KIT: variants seen among roughly 807,000 people sequenced by gnomAD.
KIT encodes KIT proto-oncogene, receptor tyrosine kinase.
In KIT, 16 loss-of-function variants were observed where a neutral mutation model predicts 105.7. The ratio of observed to expected loss-of-function variants is 0.15; its 90% CI spans 0.10 to 0.23. KIT has a LOEUF of 0.23. KIT is among the 10% of genes least tolerant of loss of function. KIT has a pLI of 1.00. For missense variants in KIT, 858 were observed against 1,213.8 expected (o/e 0.71, Z 4.36); for synonymous variants, 438 against 441.1 (o/e 0.99, Z 0.09).
chr4:54,699,040 A>T (rs535731746), intron 3 of KIT, among the ~76,000 whole-genome samples: 1 of 152,232 alleles, frequency 6.6e-6, no homozygotes, highest in Non-Finnish European at 1.5e-5. Context: ...GGAACTTGTT[A>T]TGGTTGTGCC....
Position 54,740,160 on chromosome 4 carries a change from T to C in KIT, c.*1603T>C, listed in dbSNP as rs941856016. ...TTATGGTTTCCCCCTTCTACATTTC[T>C]TAGACTACATTTAGAGAACTGTGGC... On this transcript the variant is annotated 3_prime_UTR_variant, in exon 21 of 21. Transcript: ENST00000288135. 1.3e-5 allele frequency: 3 copies of C among 233,530 alleles called. No individual in the cohort carries two copies. The highest frequency in any genetic ancestry group is 2.5e-5 in the Non-Finnish European group (3 of 118,010). 14.5% of individuals were successfully genotyped at this position (233,530 alleles called of 1,614,324 possible). A position where few individuals can be genotyped will look rare whatever the true frequency, so the allele number is the denominator to read the frequency against.
In KIT at chr4:54,738,764, C is replaced by T; in HGVS notation, c.*207C>T. 1 of 648,242 alleles carries T rather than the reference C, an allele frequency of 1.5e-6. No homozygotes were observed. The highest frequency in any genetic ancestry group is 2.7e-6 in the Non-Finnish European group (1 of 364,630). 40.2% of individuals were successfully genotyped at this position (648,242 alleles called of 1,614,324 possible). The stretch of plus-strand genomic sequence containing the variant: ...CAAAGGTTCCAACTGTATATATTCC[C>T]AATAGCAACGTAGCTTCTACCATGA... On this transcript the variant is annotated 3_prime_UTR_variant, in exon 21 of 21. Transcript: ENST00000288135.
chr4:54,711,765 T>C (rs1444641369), intron 7 of KIT, among the ~76,000 whole-genome samples: 1 of 148,534 alleles, frequency 6.7e-6, no homozygotes, highest in Non-Finnish European at 1.5e-5. Context: ...CTACTAAAAA[T>C]AGAAAAATTC....
At chr4:54,724,133 G>T (rs1722072087) in intron 8 of KIT, among the ~76,000 whole-genome samples, 1 of 152,194 alleles carries the variant, frequency 6.6e-6, no homozygotes, top group South Asian at 2.1e-4. Flanking sequence ...TATGGCATTT[G>T]CAAGCGACCG....
At chr4:54,691,399 C>T (rs1719695863) in intron 1 of KIT, among the ~76,000 whole-genome samples, 1 of 151,922 alleles carries the variant, frequency 6.6e-6, no homozygotes, top group African/African-American at 2.4e-5. Context: ...GACAGGTTAT[C>T]GCAACATGGA....
At chr4:54,664,582 A>ATTATTTATTTAT (rs3033777) in intron 1 of KIT, among the ~76,000 whole-genome samples, 66 of 144,396 alleles carry the variant, frequency 4.6e-4, no homozygotes, top group East Asian at 8.1e-4. Flanking sequence ...GTCTGTTTTT[A>ATTATTTATTTAT]TTATTTATTT....
Position 54,738,575 on chromosome 4 carries a change from G to A in KIT, c.*18G>A, listed in dbSNP as rs1272496566. ...ATGTCTGAGCAGAATCAGTGTTTGG[G>A]TCACCCCTCCAGGAATGATCTCTTC... On this transcript the variant is annotated 3_prime_UTR_variant, in exon 21 of 21. Coordinates refer to ENST00000288135, the MANE Select transcript of KIT (RefSeq NM_000222.3). 14 of 1,613,336 alleles carry A rather than the reference G, an allele frequency of 8.7e-6. No individual in the cohort carries two copies. Among genetic ancestry groups the A allele is most frequent in the Admixed American group, 1.7e-5 (1 of 59,996 alleles).
chr4:54,695,571 A>G lies in KIT; in HGVS notation c.127A>G (p.Lys43Glu), dbSNP rs770727656. The G allele has an allele frequency of 6.2e-7, 1 of 1,614,242 alleles. No individual in the cohort carries two copies. The highest frequency in any genetic ancestry group is 2.2e-5 in the East Asian group (1 of 44,880). ...GTCTCCACCATCCATCCATCCAGGA[A>G]AATCAGACTTAATAGTCCGCGTGGG... ...EPSPPSIHPG[K>E]SDLIVRVGDE... The change falls in exon 2 of 21, where the codon AAA becomes GAA. Residue 43 changes from lysine (K) to glutamate (E), a missense_variant. Lys to Glu is a moderately conservative substitution (Grantham distance 56, BLOSUM62 1). Around this residue, in one of 7 missense-constraint regions of KIT, gnomAD observed 401 missense variants for 601.0 expected, o/e 0.67. Coordinates refer to ENST00000288135, the MANE Select transcript of KIT (RefSeq NM_000222.3).
rs936689181 is a variant in KIT at position 54,686,274 on chromosome 4, T to C, written c.68-9238T>C. Reference sequence around the variant, plus strand: ...AGTCTGTTATTTTGTGAATTTTAAATGGCTAATCATTTTTAAATGGTATAG... The same window carrying C: ...AGTCTGTTATTTTGTGAATTTTAAACGGCTAATCATTTTTAAATGGTATAG... On this transcript the variant is annotated intron_variant, in intron 1 of 20. Transcript: ENST00000288135. 2.0e-5 allele frequency among the ~76,000 whole-genome samples: 3 copies of C among 152,206 alleles called. 1 individual carries two copies. Among genetic ancestry groups the C allele is most frequent in the South Asian group, 4.1e-4 (2 of 4,834 alleles).
Position 54,738,656 on chromosome 4 carries a change from A to G in KIT, c.*99A>G, listed in dbSNP as rs774300172. 2.1e-5 allele frequency: 31 copies of G among 1,444,638 alleles called. No individual in the cohort carries two copies. The highest frequency in any genetic ancestry group is 2.9e-5 in the Non-Finnish European group (30 of 1,039,376). The allele number at this position is 1,444,638 out of a possible 1,614,324, so 89.5% of individuals were successfully genotyped here. A position where few individuals can be genotyped will look rare whatever the true frequency, so the allele number is the denominator to read the frequency against. ...CTTTCAACTTGCATCCAACTCCAGG[A>G]TAGTGGGCACCCCACTGCAATCCTG... is the stretch of plus-strand genomic sequence containing the variant. On this transcript the variant is annotated 3_prime_UTR_variant, in exon 21 of 21. Coordinates refer to ENST00000288135, the MANE Select transcript of KIT (RefSeq NM_000222.3).
In KIT at chr4:54,739,024, G is replaced by A. The variant is rs1033857854; in HGVS notation, c.*467G>A. 1 of 454,948 alleles carries A rather than the reference G, an allele frequency of 2.2e-6. No individual in the cohort carries two copies. The highest frequency in any genetic ancestry group is 3.8e-6 in the Non-Finnish European group (1 of 260,152). The allele number at this position is 454,948 out of a possible 1,614,324, so 28.2% of individuals were successfully genotyped here. On this transcript the variant is annotated 3_prime_UTR_variant, in exon 21 of 21. Coordinates refer to ENST00000288135, the MANE Select transcript of KIT (RefSeq NM_000222.3). ...GAACATCATTAGAACAAAGGACAGA[G>A]TATGAACACCTGGGCTTAAGAAATC...
intron 1 of KIT, among the ~76,000 whole-genome samples, chr4:54,660,224 C>CTG (rs1717154105): frequency 6.6e-6 from 1 of 152,178 alleles, no homozygotes; most frequent in Non-Finnish European, 1.5e-5. Context: ...AAGCAAGGAG[C>CTG]TGTGGCTTAT....
chr4:54,680,586 T>G (rs1242832292), intron 1 of KIT, among the ~76,000 whole-genome samples: 2 of 151,796 alleles, frequency 1.3e-5, no homozygotes, highest in African/African-American at 2.4e-5. Flanking sequence ...AGAGATGAGG[T>G]TTCACGGTGT....
At chr4:54,700,905 A>G (rs1320022741) in intron 4 of KIT, among the ~76,000 whole-genome samples, 1 of 152,236 alleles carries the variant, frequency 6.6e-6, no homozygotes, top group East Asian at 1.9e-4. Flanking sequence ...GAAACATTTT[A>G]GTTTTTGTAT....
chr4:54,689,973 C>G (rs1719577558), intron 1 of KIT, among the ~76,000 whole-genome samples: 1 of 151,444 alleles, frequency 6.6e-6, no homozygotes, highest in South Asian at 2.1e-4. Flanking sequence ...ACACAATATG[C>G]CTTTCTGTCT....
chr4:54,684,645 C>T (rs1719187254), intron 1 of KIT, among the ~76,000 whole-genome samples: 1 of 152,186 alleles, frequency 6.6e-6, no homozygotes, highest in Admixed American at 6.5e-5. Flanking sequence ...CCACCTCCTC[C>T]CCCAAACTCC....
chr4:54,697,509 G>A (rs981517048), intron 2 of KIT, among the ~76,000 whole-genome samples: 11 of 152,258 alleles, frequency 7.2e-5, no homozygotes, highest in Middle Eastern at 3.4e-3. Context: ...GAGCCACTCC[G>A]AGTCTGTTCC....
intron 19 of KIT, 62 bp from the exon 20 acceptor site, chr4:54,737,113 C>A: frequency 9.4e-7 from 1 of 1,068,810 alleles, no homozygotes; most frequent in South Asian, 1.3e-5. Context: ...GCTGGATGCC[C>A]ATACATTTGA....
intron 1 of KIT, among the ~76,000 whole-genome samples, chr4:54,667,926 G>C (rs1263147177): frequency 6.6e-6 from 1 of 152,090 alleles, no homozygotes; most frequent in Non-Finnish European, 1.5e-5. Context: ...TCTCCCTACC[G>C]ACCTTCCCCA....
Sources: gnomAD v4.1 joint callset for allele counts (sites outside exome capture counted in the v4.1 genomes callset) on GRCh38, gnomAD v4.1.1 for gene constraint, gnomAD v4.1.1 regional missense constraint, MANE v1.5 for transcripts, NCBI Gene and HGNC (gene_info 2026-07-23, HGNC 2026-07-21) for gene names.